The following ADAMTS12 variants were observed in gnomAD, a reference collection of about 807,000 sequenced individuals.
ADAMTS12 encodes the protein ADAM metallopeptidase with thrombospondin type 1 motif 12.
A neutral mutation model predicts 167.8 loss-of-function variants in ADAMTS12; 118 were observed. The observed-to-expected ratio is 0.70, with a 90% confidence interval of 0.61 to 0.82. The LOEUF (loss-of-function observed/expected upper bound fraction) is 0.82, where lower values mean the gene tolerates loss of function less well. ADAMTS12 is among the 40% of genes least tolerant of loss of function. The pLI is 0.00. For missense variants in ADAMTS12, 1,916 were observed against 1,998.8 expected, an observed-to-expected ratio of 0.96 and a Z score of 0.79; for synonymous variants, 704 against 716.9, an observed-to-expected ratio of 0.98 and a Z score of 0.29.
chr5:33,727,926 A>T (rs1744044781), intron 3 of ADAMTS12, among the ~76,000 whole-genome samples: 1 of 152,168 alleles, frequency 6.6e-6, no homozygotes. Context: ...AGAGCATGGC[A>T]CCTGTCACAT....
At chr5:33,540,706 C>T (rs976503292) in intron 22 of ADAMTS12, among the ~76,000 whole-genome samples, 1 of 152,218 alleles carries the variant, frequency 6.6e-6, no homozygotes, top group African/African-American at 2.4e-5. Context: ...TGGAGTGGAC[C>T]TCCAGCAAAC....
intron 3 of ADAMTS12, among the ~76,000 whole-genome samples, chr5:33,711,417 T>C (rs1743399694): frequency 6.6e-6 from 1 of 152,162 alleles, no homozygotes; most frequent in African/African-American, 2.4e-5. Flanking sequence ...AAGAAATATT[T>C]TGGAACCATA....
At chr5:33,813,032 A>C (rs1458115661) in intron 2 of ADAMTS12, among the ~76,000 whole-genome samples, 1 of 152,224 alleles carries the variant, frequency 6.6e-6, no homozygotes, top group Non-Finnish European at 1.5e-5. Context: ...GTATAATTCT[A>C]TTTACGTGAA....
rs372019088 is a variant in ADAMTS12, at chr5:33,627,532, G to A, written c.2023-3181C>T. On this transcript the variant is annotated intron_variant, in intron 13 of 23. Transcript: ENST00000504830. ...GTGGTGGTAGTGGTGGTGGTATAGT[G>A]AGTAATTAACTGTGAGAGGAGAGTT... Among the ~76,000 whole-genome samples the A allele has an allele frequency of 5.3e-5, 8 of 151,938 alleles. No homozygotes were observed. In the East Asian group the frequency reaches 1.5e-3, roughly 29 times the overall value.
At chr5:33,662,981 T>C (rs559382344) in intron 5 of ADAMTS12, among the ~76,000 whole-genome samples, 11 of 152,178 alleles carry the variant, frequency 7.2e-5, no homozygotes, top group Non-Finnish European at 1.6e-4. Context: ...TGCATGAAAT[T>C]ATGAGCTTGC....
rs375155604 is a variant in ADAMTS12 at position 33,679,426 on chromosome 5, A to C, written c.915+3592T>G. On this transcript the variant is annotated intron_variant, in intron 5 of 23. Transcript: ENST00000504830. ...TCATGGTGGAAGGTGAAGGGGAAGCAAGGCACCTTCTTCACAAGGTGGAAG... is the reference window on the plus strand; with the variant it reads ...TCATGGTGGAAGGTGAAGGGGAAGCCAGGCACCTTCTTCACAAGGTGGAAG... Among the ~76,000 whole-genome samples the C allele has an allele frequency of 8.5e-5, 13 of 152,250 alleles. No individual in the cohort carries two copies. The East Asian group carries it at 1.9e-3, about 23-fold the overall frequency.
chr5:33,762,058 G>T (rs549040478), intron 2 of ADAMTS12, among the ~76,000 whole-genome samples: 1 of 152,158 alleles, frequency 6.6e-6, no homozygotes, highest in South Asian at 2.1e-4. Flanking sequence ...CAGGTGTCGT[G>T]GCATGCGCCT....
At chr5:33,570,506 A>G (rs1173609508) in intron 19 of ADAMTS12, among the ~76,000 whole-genome samples, 2 of 152,190 alleles carry the variant, frequency 1.3e-5, no homozygotes, top group African/African-American at 4.8e-5. Flanking sequence ...AAGCTTCATA[A>G]GTAAAGGAGA....
chr5:33,858,657 CA>C (rs35005089), intron 2 of ADAMTS12, among the ~76,000 whole-genome samples: 150 of 80,890 alleles, frequency 1.9e-3, no homozygotes, highest in African/African-American at 1.7e-3. Context: ...GACATCATCT[CA>C]AAAAAAAAAA....
intron 2 of ADAMTS12, among the ~76,000 whole-genome samples, chr5:33,869,288 G>A (rs910516303): frequency 3.4e-4 from 52 of 152,262 alleles, no homozygotes; most frequent in East Asian, 2.5e-3. Flanking sequence ...TGGCTTCCAC[G>A]TGGTGTTATG....
intron 3 of ADAMTS12, 140 bp from the exon 4 acceptor site, chr5:33,684,195 A>G (rs1742239835): frequency 5.6e-6 from 3 of 537,590 alleles, no homozygotes; most frequent in Non-Finnish European, 8.5e-6. Flanking sequence ...CATAACCAAA[A>G]TAGACCAATT....
At chr5:33,806,561 A>G (rs1747237319) in intron 2 of ADAMTS12, among the ~76,000 whole-genome samples, 2 of 152,162 alleles carry the variant, frequency 1.3e-5, no homozygotes, top group Admixed American at 1.3e-4. Flanking sequence ...CCAGTGATGG[A>G]GCTGATGCTG....
chr5:33,638,974 A>C (rs1409909853), intron 11 of ADAMTS12, among the ~76,000 whole-genome samples: 1 of 152,160 alleles, frequency 6.6e-6, no homozygotes, highest in Non-Finnish European at 1.5e-5. Flanking sequence ...GCAGTATCTG[A>C]ATCAGGGAGT....
At chr5:33,872,281 C>T (rs1381585126) in intron 2 of ADAMTS12, among the ~76,000 whole-genome samples, 1 of 152,170 alleles carries the variant, frequency 6.6e-6, no homozygotes, top group Non-Finnish European at 1.5e-5. Flanking sequence ...CGTGGTGGCT[C>T]ACGCCTGTAA....
At chr5:33,711,800 A>T (rs937955530) in intron 3 of ADAMTS12, among the ~76,000 whole-genome samples, 1 of 152,194 alleles carries the variant, frequency 6.6e-6, no homozygotes, top group Non-Finnish European at 1.5e-5. Flanking sequence ...TGGATCCTGG[A>T]GAGAAGGAGT....
chr5:33,891,839 C>T lies in ADAMTS12; in HGVS notation c.18G>A (p.Arg6=), dbSNP rs749080450. The part of the protein sequence containing the change: MPCAQ[R]SWLANLSVVA... ...CCACGGAAAGGTTTGCAAGCCAGCT[C>T]CTCTGGGCACATGGCATGATTCAGA... The change falls in exon 1 of 24, where the codon AGG becomes AGA. Residue 6 remains arginine, a synonymous_variant. Coordinates refer to ENST00000504830, the MANE Select transcript of ADAMTS12 (RefSeq NM_030955.4). 1.2e-6 allele frequency: 2 copies of T among 1,614,224 alleles called. No homozygotes were observed. Among genetic ancestry groups the T allele is most frequent in the Non-Finnish European group, 1.7e-6 (2 of 1,180,036 alleles).
At chr5:33,626,618 TG>T (rs1739632368) in intron 13 of ADAMTS12, among the ~76,000 whole-genome samples, 2 of 146,064 alleles carry the variant, frequency 1.4e-5, no homozygotes, top group African/African-American at 5.2e-5. Flanking sequence ...GGTGGTGAGG[TG>T]ACGGTGGTGG....
intron 5 of ADAMTS12, among the ~76,000 whole-genome samples, chr5:33,670,544 C>T (rs1483690331): frequency 6.6e-6 from 1 of 152,146 alleles, no homozygotes; most frequent in South Asian, 2.1e-4. Flanking sequence ...GAGTTTGAGA[C>T]CAGCCTGGCC....
rs1390089612 is a variant in ADAMTS12 at position 33,573,831 on chromosome 5, G to T, written c.3972+2223C>A. Among the ~76,000 whole-genome samples the T allele has an allele frequency of 2.1e-4, 32 of 152,186 alleles. No individual in the cohort carries two copies. In the East Asian group the frequency reaches 4.6e-3, roughly 22 times the overall value. On this transcript the variant is annotated intron_variant, in intron 19 of 23. Coordinates refer to ENST00000504830, the MANE Select transcript of ADAMTS12 (RefSeq NM_030955.4). ...GGCAACCTACAAAATGGGAGAAAAT[G>T]TTCGCAACCTACTCATCTGACAAAG...
Sources: allele counts gnomAD v4.1 joint callset (sites outside exome capture counted in the v4.1 genomes callset), GRCh38; gene constraint gnomAD v4.1.1; transcripts MANE v1.5; gene names NCBI Gene and HGNC (gene_info 2026-07-23, HGNC 2026-07-21).